Variants in ZBTB7C observed in about 807,000 individuals in gnomAD.
ZBTB7C encodes the protein zinc finger and BTB domain-containing protein 7C.
Under a neutral mutation model 25.7 loss-of-function variants are expected in ZBTB7C, and 8 were observed. The observed-to-expected ratio is 0.31, with a 90% CI of 0.18 to 0.56. The LOEUF is 0.56. Ranked by LOEUF, ZBTB7C falls within the 20% of genes least tolerant of loss-of-function variation. The pLI is 0.91. For synonymous variants in ZBTB7C, 394 were observed against 369.0 expected (o/e 1.07, Z -0.78); for missense variants, 824 against 855.2 (o/e 0.96, Z 0.46).
intron 1 of ZBTB7C, among the ~76,000 whole-genome samples, chr18:48,393,891 G>A (rs570789795): frequency 6.6e-6 from 1 of 152,216 alleles, no homozygotes; most frequent in Non-Finnish European, 1.5e-5. Context: ...AATCTTCAAG[G>A]TGCCTTTTGC....
At chr18:48,367,156 CT>C (rs2047240624) in intron 1 of ZBTB7C, among the ~76,000 whole-genome samples, 1 of 129,874 alleles carries the variant, frequency 7.7e-6, no homozygotes, top group Non-Finnish European at 1.6e-5. Context: ...ATGCTTTCCC[CT>C]GTTCTTCTCC....
intron 3 of ZBTB7C, among the ~76,000 whole-genome samples, chr18:48,067,244 T>A (rs1174641594): frequency 6.6e-6 from 1 of 152,208 alleles, no homozygotes; most frequent in East Asian, 1.9e-4. Context: ...GGATTTTACC[T>A]TGAAGATCCC....
upstream of ZBTB7C, among the ~76,000 whole-genome samples, chr18:48,410,082 G>A (rs551548695): frequency 6.7e-6 from 1 of 150,092 alleles, no homozygotes; most frequent in South Asian, 2.1e-4. Context: ...TCCGATGGGG[G>A]AGGAAATAAA....
chr18:48,103,085 TATC>T, intron 3 of ZBTB7C, among the ~76,000 whole-genome samples: 1 of 127,018 alleles, frequency 7.9e-6, no homozygotes, highest in East Asian at 2.4e-4. Flanking sequence ...ATATTATATA[TATC>T]TTATATATAT....
At chr18:48,382,742 C>T (rs922664235) in intron 1 of ZBTB7C, among the ~76,000 whole-genome samples, 2 of 152,184 alleles carry the variant, frequency 1.3e-5, no homozygotes, top group Non-Finnish European at 2.9e-5. Flanking sequence ...ATGCATAACT[C>T]CAGCTAACAC....
intron 1 of ZBTB7C, among the ~76,000 whole-genome samples, chr18:48,407,796 G>C (rs775125269): frequency 1.3e-5 from 2 of 152,180 alleles, no homozygotes; most frequent in Non-Finnish European, 2.9e-5. Context: ...GGACCAAGGA[G>C]AATGAAGGAC....
intron 3 of ZBTB7C, among the ~76,000 whole-genome samples, chr18:48,101,614 A>G (rs1598880108): frequency 6.6e-6 from 1 of 152,206 alleles, no homozygotes; most frequent in African/African-American, 2.4e-5. Flanking sequence ...CAGTTTAGAC[A>G]TACTTTTCAT....
chr18:48,075,723 C>T (rs1334460724), intron 3 of ZBTB7C, among the ~76,000 whole-genome samples: 2 of 152,148 alleles, frequency 1.3e-5, no homozygotes, highest in African/African-American at 2.4e-5. Flanking sequence ...AGAAATGACA[C>T]GACACAGGTC....
At chr18:48,078,725 G>C (rs1228180580) in intron 3 of ZBTB7C, among the ~76,000 whole-genome samples, 1 of 152,164 alleles carries the variant, frequency 6.6e-6, no homozygotes, top group Non-Finnish European at 1.5e-5. Context: ...GGGGGCTCTG[G>C]GCTTGGCAGG....
At chr18:48,336,260 T>A (rs1279957359) in intron 2 of ZBTB7C, among the ~76,000 whole-genome samples, 1 of 152,182 alleles carries the variant, frequency 6.6e-6, no homozygotes, top group African/African-American at 2.4e-5. Flanking sequence ...CCCAACCCTG[T>A]TAGCAGTCAG....
rs2035542986 is a variant in ZBTB7C, at chr18:48,026,900, A to C, written c.*2360T>G. The C allele has an allele frequency of 6.6e-6, 1 of 152,094 alleles. No homozygotes were observed. The highest frequency in any genetic ancestry group is 2.1e-4 in the South Asian group (1 of 4,810). The allele number at this position is 152,094 out of a possible 1,614,324, so 9.4% of individuals were successfully genotyped here. On this transcript the variant is annotated 3_prime_UTR_variant, in exon 5 of 5. Transcript: ENST00000590800. The stretch of plus-strand genomic sequence containing the variant: ...ATATAATTTAATCAAGTCAATTAAT[A>C]CTGTTTAATAAATAGGCCAGAAAAT...
intron 1 of ZBTB7C, among the ~76,000 whole-genome samples, chr18:48,367,230 C>T (rs1474558136): frequency 1.1e-4 from 9 of 83,400 alleles, no homozygotes; most frequent in African/African-American, 2.9e-4. Context: ...CACACACACA[C>T]ACATACATAC....
chr18:48,224,356 C>A (rs768372617), intron 2 of ZBTB7C, among the ~76,000 whole-genome samples: 10 of 152,134 alleles, frequency 6.6e-5, no homozygotes, highest in Non-Finnish European at 1.3e-4. Context: ...CCATACAGAG[C>A]TAAAAGCATG....
chr18:48,116,618 T>C (rs4479321), intron 3 of ZBTB7C, among the ~76,000 whole-genome samples: 106,095 of 151,808 alleles, frequency 0.7, 37,119 homozygotes, highest in South Asian at 0.8. Context: ...ACCCTCCCTC[T>C]GCACCCACGG....
chr18:48,228,741 T>TCACACACACACA (rs1223661928), intron 2 of ZBTB7C, among the ~76,000 whole-genome samples: 35 of 66,328 alleles, frequency 5.3e-4, no homozygotes, highest in African/African-American at 1.4e-3. Flanking sequence ...TGTCTCTCTC[T>TCACACACACACA]CTCTCTCACA....
intron 2 of ZBTB7C, among the ~76,000 whole-genome samples, chr18:48,298,994 C>A (rs1216028547): frequency 6.6e-6 from 1 of 152,174 alleles, no homozygotes; most frequent in Non-Finnish European, 1.5e-5. Flanking sequence ...CGTAGCCTCA[C>A]CATATTCTCC....
intron 3 of ZBTB7C, among the ~76,000 whole-genome samples, chr18:48,079,524 T>A (rs1017902818): frequency 6.6e-6 from 1 of 152,132 alleles, no homozygotes; most frequent in Non-Finnish European, 1.5e-5. Context: ...AGTGGGATCG[T>A]GGGGTACTGG....
At chr18:48,139,716 C>T (rs538760932) in intron 3 of ZBTB7C, among the ~76,000 whole-genome samples, 1 of 152,196 alleles carries the variant, frequency 6.6e-6, no homozygotes. Flanking sequence ...CCCCTCCAGC[C>T]TCCCTCGGTG....
chr18:48,351,799 C>T (rs1200713465), intron 1 of ZBTB7C, among the ~76,000 whole-genome samples: 2 of 152,168 alleles, frequency 1.3e-5, no homozygotes, highest in African/African-American at 4.8e-5. Flanking sequence ...AGTGCTCGTT[C>T]CCTCACCAAC....
Sources: allele counts gnomAD v4.1 joint callset (sites outside exome capture counted in the v4.1 genomes callset), GRCh38; gene constraint gnomAD v4.1.1; transcripts MANE v1.5; gene names NCBI Gene and HGNC (gene_info 2026-07-23, HGNC 2026-07-21).